TBC1D16: variants seen among roughly 807,000 people sequenced by gnomAD.
TBC1D16 encodes TBC1 domain family member 16.
In TBC1D16, 58 loss-of-function variants were observed where a neutral mutation model predicts 74.7. The observed-to-expected ratio is 0.78, with a 90% CI of 0.63 to 0.97. The LOEUF (loss-of-function observed/expected upper bound fraction) is 0.97. TBC1D16 is among the 50% of genes least tolerant of loss of function. The pLI, the probability that TBC1D16 is intolerant of heterozygous loss-of-function variation, is 0.00. For missense variants in TBC1D16, 1,014 were observed against 1,079.5 expected (o/e 0.94, Z 0.85); for synonymous variants, 493 against 474.7 (o/e 1.04, Z -0.50).
rs376844546 is a variant in TBC1D16, at chr17:80,007,235, G to A, written c.779+2925C>T. Among the ~76,000 whole-genome samples, 22 of 152,140 alleles carry A rather than the reference G, an allele frequency of 1.4e-4. No homozygotes were observed. The highest frequency in any genetic ancestry group is 5.2e-4 in the Admixed American group (8 of 15,284). On this transcript the variant is annotated intron_variant, in intron 3 of 11. Coordinates refer to ENST00000310924, the MANE Select transcript of TBC1D16 (RefSeq NM_019020.4). This position sits in a 1 kb window ranked among gnomAD's most constrained non-coding sequence, Gnocchi z 4.5. ...CTGAGCCTTCATCAGGAGCAGGGCCGGGCTGTGGTAAGCACCCCCCAGCAC... is the reference window on the plus strand; with the variant it reads ...CTGAGCCTTCATCAGGAGCAGGGCCAGGCTGTGGTAAGCACCCCCCAGCAC...
intron 3 of TBC1D16, among the ~76,000 whole-genome samples, chr17:79,953,261 T>G (rs994372424): frequency 5.3e-5 from 8 of 152,202 alleles, no homozygotes; most frequent in South Asian, 2.1e-4. Context: ...TGATTTTAGA[T>G]AGCATGGGGC....
At position 79,971,145 on chromosome 17, in the gene TBC1D16, C is replaced by A. The variant is rs1474570356; in HGVS notation, c.780-18327G>T. ...TCAAGGCATTCTCCTGCCTCAGCCTCCTGAGTAGCTGGGATTACAGGCGTG... is the reference window on the plus strand; with the variant it reads ...TCAAGGCATTCTCCTGCCTCAGCCTACTGAGTAGCTGGGATTACAGGCGTG... On this transcript the variant is annotated intron_variant, in intron 3 of 11. Transcript: ENST00000310924. The surrounding 1 kb of genome is among the most constrained non-coding windows in gnomAD (Gnocchi z 4.6). Among the ~76,000 whole-genome samples the A allele has an allele frequency of 1.3e-5, 2 of 152,018 alleles. No individual in the cohort carries two copies. Among genetic ancestry groups the A allele is most frequent in the Non-Finnish European group, 2.9e-5 (2 of 68,020 alleles).
intron 1 of TBC1D16, among the ~76,000 whole-genome samples, chr17:80,022,714 G>A (rs1263460832): frequency 3.4e-5 from 5 of 148,990 alleles, no homozygotes; most frequent in Non-Finnish European, 5.9e-5. Flanking sequence ...TTGGCTCACT[G>A]CAACCTCCGC....
At chr17:79,968,511 G>C (rs2033933965) in intron 3 of TBC1D16, among the ~76,000 whole-genome samples, 1 of 151,878 alleles carries the variant, frequency 6.6e-6, no homozygotes, top group African/African-American at 2.4e-5. Context: ...ATCAACCAAA[G>C]AAAAAAATAG....
chr17:79,999,473 C>T (rs984307075), intron 3 of TBC1D16, among the ~76,000 whole-genome samples: 3 of 150,632 alleles, frequency 2.0e-5, no homozygotes, highest in Admixed American at 6.6e-5. Context: ...AAAATGATAA[C>T]GGCAACACCA....
Position 79,948,993 on chromosome 17 carries a change from G to C in TBC1D16, c.1420C>G (p.Pro474Ala). Residue 474 changes from proline (P) to alanine (A), a missense_variant, in exon 8 of 12, where the codon CCC becomes GCC. Coordinates refer to ENST00000310924, the MANE Select transcript of TBC1D16 (RefSeq NM_019020.4). ...CGCCAGAACGCTCTGTGCTCCTCGG[G>C]AGTCATGGAGAGCCTGTGTGGAGCC... ...EIQQKRLSMTPEEHRAFWRNV... is the reference protein window; with the variant it reads ...EIQQKRLSMTAEEHRAFWRNV... 6.2e-7 allele frequency: 1 copy of C among 1,614,118 alleles called. No homozygotes were observed. Among genetic ancestry groups the C allele is most frequent in the Non-Finnish European group, 8.5e-7 (1 of 1,180,002 alleles).
rs1404863816 is a variant in TBC1D16, at chr17:79,939,922, G to A, written c.*937C>T. 4 of 152,224 alleles carry A rather than the reference G, an allele frequency of 2.6e-5. No individual in the cohort carries two copies. Among genetic ancestry groups the A allele is most frequent in the Non-Finnish European group, 5.9e-5 (4 of 68,060 alleles). The allele number at this position is 152,224 out of a possible 1,614,324, so 9.4% of individuals were successfully genotyped here. A position where few individuals can be genotyped will look rare whatever the true frequency, so the allele number is the denominator to read the frequency against. ...AGCTAATACACTACCACGTCCCTGG[G>A]ACAAAGCAGATCATTGTCAGAGGAT... On this transcript the variant is annotated 3_prime_UTR_variant, in exon 12 of 12. Coordinates refer to ENST00000310924, the MANE Select transcript of TBC1D16 (RefSeq NM_019020.4).
intron 1 of TBC1D16, among the ~76,000 whole-genome samples, chr17:80,033,845 G>T (rs920260487): frequency 6.6e-6 from 1 of 152,218 alleles, no homozygotes; most frequent in African/African-American, 2.4e-5. Flanking sequence ...GCAGCTAGTG[G>T]TGACATGGGA....
intron 9 of TBC1D16, 69 bp from the exon 10 acceptor site, chr17:79,945,156 C>G: frequency 6.8e-7 from 1 of 1,463,940 alleles, no homozygotes; most frequent in Non-Finnish European, 9.1e-7. Flanking sequence ...GAAGCCCACT[C>G]CCACTGGGGC....
At chr17:79,945,149 G>C in intron 9 of TBC1D16, 62 bp from the exon 10 acceptor site, 1 of 1,485,158 alleles carries the variant, frequency 6.7e-7, no homozygotes, top group Non-Finnish European at 9.0e-7. Context: ...TGCCCAGGAA[G>C]CCCACTCCCA....
intron 3 of TBC1D16, among the ~76,000 whole-genome samples, chr17:79,998,382 C>T (rs931625189): frequency 1.3e-5 from 2 of 151,392 alleles, no homozygotes; most frequent in Admixed American, 6.6e-5. Flanking sequence ...GGTTGGAGGG[C>T]AGTGGTGCAA....
rs1298763621 is a variant in TBC1D16 at position 79,987,872 on chromosome 17, T to A, written c.779+22288A>T. Among the ~76,000 whole-genome samples, 5 of 89,792 alleles carry A rather than the reference T, an allele frequency of 5.6e-5. No homozygotes were observed. The highest frequency in any genetic ancestry group is 2.3e-4 in the African/African-American group (5 of 22,144). The allele number at this position is 89,792 out of a possible 152,430, so 58.9% of individuals were successfully genotyped here. A position where few individuals can be genotyped will look rare whatever the true frequency, so the allele number is the denominator to read the frequency against. ...TTAAAGCAGACAAACACATGAGTGC[T>A]GGGTGGGGGCGGGGTGCTGGGAGAT... On this transcript the variant is annotated intron_variant, in intron 3 of 11. Transcript: ENST00000310924. This position sits in a 1 kb window ranked among gnomAD's most constrained non-coding sequence, Gnocchi z 5.2.
In TBC1D16 at chr17:79,941,953, G is replaced by A; in HGVS notation, c.2055+107C>T. On this transcript the variant is annotated intron_variant, in intron 11 of 11. Transcript: ENST00000310924. This position sits in a 1 kb window ranked among gnomAD's most constrained non-coding sequence, Gnocchi z 4.3. ...GGGGCCATGGTGGGGATGGGGCTCT[G>A]GGGGCGGGGCCCACATCTGGGGCAG... 1 of 1,090,134 alleles carries A rather than the reference G, an allele frequency of 9.2e-7. No individual in the cohort carries two copies. Among genetic ancestry groups the A allele is most frequent in the Non-Finnish European group, 1.3e-6 (1 of 760,804 alleles). The allele number at this position is 1,090,134 out of a possible 1,614,324, so 67.5% of individuals were successfully genotyped here. A position where few individuals can be genotyped will look rare whatever the true frequency, so the allele number is the denominator to read the frequency against.
chr17:79,942,764 G>C (rs1212687509), intron 10 of TBC1D16, among the ~76,000 whole-genome samples: 1 of 152,220 alleles, frequency 6.6e-6, no homozygotes, highest in East Asian at 1.9e-4. Context: ...GGCTAGAAAA[G>C]TGGGAAGATC....
In TBC1D16 at chr17:79,941,951, C is replaced by T. The variant is rs975010493; in HGVS notation, c.2055+109G>A. 6 of 1,011,572 alleles carry T rather than the reference C, an allele frequency of 5.9e-6. No individual in the cohort carries two copies. The highest frequency in any genetic ancestry group is 4.4e-5 in the African/African-American group (2 of 45,770). 62.7% of individuals were successfully genotyped at this position (1,011,572 alleles called of 1,614,324 possible). On this transcript the variant is annotated intron_variant, in intron 11 of 11. Coordinates refer to ENST00000310924, the MANE Select transcript of TBC1D16 (RefSeq NM_019020.4). This position sits in a 1 kb window ranked among gnomAD's most constrained non-coding sequence, Gnocchi z 4.3. ...GGGGGGCCATGGTGGGGATGGGGCT[C>T]TGGGGGCGGGGCCCACATCTGGGGC...
Position 79,934,691 on chromosome 17 carries a change from TG to T in TBC1D16, c.*6167del, listed in dbSNP as rs2031473683. The T allele has an allele frequency of 6.6e-6, 1 of 152,366 alleles. No homozygotes were observed. Among genetic ancestry groups the T allele is most frequent in the African/African-American group, 2.4e-5 (1 of 41,448 alleles). The allele number at this position is 152,366 out of a possible 1,614,324, so 9.4% of individuals were successfully genotyped here. On this transcript the variant is annotated 3_prime_UTR_variant, in exon 12 of 12. Coordinates refer to ENST00000310924, the MANE Select transcript of TBC1D16 (RefSeq NM_019020.4). ...TCCGTGGGACCTGCCCAGCCAGCCT[TG>T]GGAGGGGCACCCCTGGGCATGTGGA...
intron 1 of TBC1D16, among the ~76,000 whole-genome samples, chr17:80,014,629 C>T (rs1196052534): frequency 1.3e-5 from 2 of 152,048 alleles, no homozygotes; most frequent in Non-Finnish European, 2.9e-5. Flanking sequence ...CCTGTCTCCT[C>T]CAATGCGGGA....
chr17:79,948,905 C>CG lies in TBC1D16; in HGVS notation c.1507dup (p.Arg503ProfsTer45), dbSNP rs771701999. ...CTCCACATTGGGATTGTCTTCCCCC[C>CG]GGAAGAACTGGTTGTTCCGATCTGT... On this transcript the variant is annotated frameshift_variant, in exon 8 of 12. Transcript: ENST00000310924. LOFTEE classifies it high-confidence loss of function. 1.2e-6 allele frequency: 2 copies of CG among 1,614,114 alleles called. No homozygotes were observed. Among genetic ancestry groups the CG allele is most frequent in the South Asian group, 1.1e-5 (1 of 91,072 alleles).
intron 9 of TBC1D16, among the ~76,000 whole-genome samples, chr17:79,946,589 C>T (rs940107365): frequency 6.6e-6 from 1 of 152,188 alleles, no homozygotes; most frequent in Non-Finnish European, 1.5e-5. Context: ...CTACAAGTCA[C>T]ACTCTGTGTC....
Sources: gnomAD v4.1 joint callset for allele counts (sites outside exome capture counted in the v4.1 genomes callset) on GRCh38, gnomAD v4.1.1 for gene constraint, Gnocchi (gnomAD v3.1) non-coding constraint, MANE v1.5 for transcripts, NCBI Gene and HGNC (gene_info 2026-07-23, HGNC 2026-07-21) for gene names.